Variants in SPOCK1 observed in about 807,000 individuals in gnomAD.
The protein encoded by SPOCK1 is SPARC (osteonectin), cwcv and kazal like domains proteoglycan 1.
SPOCK1 carries 23 observed loss-of-function variants against 55.3 expected under a neutral mutation model. The observed-to-expected ratio is 0.42, with a 90% CI of 0.30 to 0.59. The LOEUF (loss-of-function observed/expected upper bound fraction) is 0.59, where lower values mean the gene tolerates loss of function less well. Among genes scored for constraint, SPOCK1 ranks in the 20% least tolerant of loss-of-function variants. The pLI is 0.22. For missense variants in SPOCK1, 499 were observed against 552.5 expected (o/e 0.90, Z 0.97); for synonymous variants, 226 against 221.0 (o/e 1.02, Z -0.20).
chr5:137,393,668 A>T (rs1387753767), intron 2 of SPOCK1, among the ~76,000 whole-genome samples: 1 of 152,370 alleles, frequency 6.6e-6, no homozygotes, highest in East Asian at 1.9e-4. Context: ...ATAGGAGGTG[A>T]CACAGCTGCA....
At chr5:137,194,916 T>C (rs1442034762) in intron 3 of SPOCK1, among the ~76,000 whole-genome samples, 1 of 152,222 alleles carries the variant, frequency 6.6e-6, no homozygotes, top group African/African-American at 2.4e-5. Context: ...CAAAGGACCC[T>C]GGTCCTGTCT....
intron 3 of SPOCK1, among the ~76,000 whole-genome samples, chr5:137,264,346 A>C (rs1756805777): frequency 6.6e-6 from 1 of 152,154 alleles, no homozygotes; most frequent in Non-Finnish European, 1.5e-5. Context: ...CCAAGAAAAC[A>C]AAGTTCAAAT....
At position 136,977,662 on chromosome 5, in the gene SPOCK1, AAG is replaced by A; in HGVS notation, c.*990_*991del. The A allele has an allele frequency of 2.5e-6, 1 of 397,054 alleles. No homozygotes were observed. 24.6% of individuals were successfully genotyped at this position (397,054 alleles called of 1,614,324 possible). On this transcript the variant is annotated 3_prime_UTR_variant, in exon 11 of 11. Coordinates refer to ENST00000394945, the MANE Select transcript of SPOCK1 (RefSeq NM_004598.4). ...GCCAAGGGGCTTCAAGCAGAAATGAAAGAGATGGCTTGTGAAGCTGCCCGTGT... is the reference window on the plus strand; with the variant it reads ...GCCAAGGGGCTTCAAGCAGAAATGAAAGATGGCTTGTGAAGCTGCCCGTGT...
At chr5:137,006,680 AC>A (rs1230505239) in intron 6 of SPOCK1, among the ~76,000 whole-genome samples, 1 of 152,078 alleles carries the variant, frequency 6.6e-6, no homozygotes, top group African/African-American at 2.4e-5. Context: ...CTATTTGAAT[AC>A]CTTTTATTTC....
At chr5:137,044,023 A>T (rs978683300) in intron 6 of SPOCK1, among the ~76,000 whole-genome samples, 1 of 152,212 alleles carries the variant, frequency 6.6e-6, no homozygotes. Flanking sequence ...TATTTCTATA[A>T]ATCTAAAAAT....
At position 137,498,572 on chromosome 5, in the gene SPOCK1, C is replaced by A. The variant is rs1754359290; in HGVS notation, c.1-14G>T. 3 of 1,457,790 alleles carry A rather than the reference C, an allele frequency of 2.1e-6. No homozygotes were observed. The highest frequency in any genetic ancestry group is 1.5e-5 in the African/African-American group (1 of 68,328). The allele number at this position is 1,457,790 out of a possible 1,614,324, so 90.3% of individuals were successfully genotyped here. A position where few individuals can be genotyped will look rare whatever the true frequency, so the allele number is the denominator to read the frequency against. ...GATCGCCGGCATCTGCGGGGCAGGGCGCGCAGGGCGATGAGCGAAGAGGGC... is the reference window on the plus strand; with the variant it reads ...GATCGCCGGCATCTGCGGGGCAGGGAGCGCAGGGCGATGAGCGAAGAGGGC... On this transcript the variant is annotated splice_polypyrimidine_tract_variant and intron_variant, in intron 1 of 10. Coordinates refer to ENST00000394945, the MANE Select transcript of SPOCK1 (RefSeq NM_004598.4).
intron 2 of SPOCK1, among the ~76,000 whole-genome samples, chr5:137,452,418 C>A (rs939867466): frequency 9.9e-5 from 15 of 152,076 alleles, no homozygotes; most frequent in African/African-American, 2.9e-4. Flanking sequence ...TTACTGAATC[C>A]CAAATTATTT....
chr5:137,337,700 A>G (rs62374175), intron 2 of SPOCK1, among the ~76,000 whole-genome samples: 3 of 152,256 alleles, frequency 2.0e-5, no homozygotes, highest in Non-Finnish European at 4.4e-5. Flanking sequence ...CAGCACGTAT[A>G]CAAGTGTATA....
At chr5:137,412,076 G>A (rs369059630) in intron 2 of SPOCK1, among the ~76,000 whole-genome samples, 107 of 152,312 alleles carry the variant, frequency 7.0e-4, no homozygotes, top group Middle Eastern at 3.4e-3. Flanking sequence ...GAGTTGAGGG[G>A]AAGAGCCACC....
At chr5:137,264,036 T>G (rs888640825) in intron 3 of SPOCK1, among the ~76,000 whole-genome samples, 1 of 152,002 alleles carries the variant, frequency 6.6e-6, no homozygotes, top group African/African-American at 2.4e-5. Context: ...CTTGAATACT[T>G]TGAGTCTTCT....
chr5:137,487,691 T>C (rs955222438), intron 2 of SPOCK1, among the ~76,000 whole-genome samples: 2 of 152,210 alleles, frequency 1.3e-5, no homozygotes, highest in African/African-American at 4.8e-5. Flanking sequence ...ACAAATATGC[T>C]GAGATGATCC....
Position 137,261,018 on chromosome 5 carries a change from C to T in SPOCK1, c.232+5992G>A, listed in dbSNP as rs988795266. On this transcript the variant is annotated intron_variant, in intron 3 of 10. Transcript: ENST00000394945. ...AGAAACCAACCAGACCAAACATGAG[C>T]GAGCCAGGAGAAAAGTATTAAGATG... Among the ~76,000 whole-genome samples, 17 of 151,982 alleles carry T rather than the reference C, an allele frequency of 1.1e-4. 1 individual carries two copies. The highest frequency in any genetic ancestry group is 1.9e-4 in the East Asian group (1 of 5,192).
At chr5:137,389,583 T>C (rs867971083) in intron 2 of SPOCK1, among the ~76,000 whole-genome samples, 12 of 152,298 alleles carry the variant, frequency 7.9e-5, no homozygotes, top group African/African-American at 2.4e-4. Context: ...GTGCTGAGCT[T>C]CCACAGAGCA....
chr5:137,372,872 C>T (rs1017483932), intron 2 of SPOCK1, among the ~76,000 whole-genome samples: 2 of 152,226 alleles, frequency 1.3e-5, no homozygotes, highest in Admixed American at 6.5e-5. Flanking sequence ...TCAGTTCTTC[C>T]TCCAAGGATG....
intron 3 of SPOCK1, among the ~76,000 whole-genome samples, chr5:137,233,713 C>CTTTTTTTTTTTTTTTTT (rs56328555): frequency 8.6e-5 from 5 of 58,412 alleles, no homozygotes; most frequent in Admixed American, 2.4e-4. Context: ...AGGATATGCA[C>CTTTTTTTTTTTTTTTTT]TTTTTTTTTT....
intron 2 of SPOCK1, among the ~76,000 whole-genome samples, chr5:137,308,515 C>A (rs367922838): frequency 5.9e-5 from 9 of 152,328 alleles, no homozygotes; most frequent in African/African-American, 2.2e-4. Flanking sequence ...TGCCATGCAT[C>A]TCTTCCAGGG....
intron 5 of SPOCK1, among the ~76,000 whole-genome samples, chr5:137,095,430 T>C (rs1753129265): frequency 6.6e-6 from 1 of 152,226 alleles, no homozygotes; most frequent in East Asian, 1.9e-4. Flanking sequence ...CAAAACTGTT[T>C]GGGCTCAGCT....
chr5:137,084,521 A>C (rs1752926074), intron 5 of SPOCK1, among the ~76,000 whole-genome samples: 1 of 152,078 alleles, frequency 6.6e-6, no homozygotes, highest in East Asian at 1.9e-4. Flanking sequence ...AGGGATGGAA[A>C]TGAGGCCAAG....
chr5:137,309,066 A>G (rs1305611698), intron 2 of SPOCK1, among the ~76,000 whole-genome samples: 1 of 152,170 alleles, frequency 6.6e-6, no homozygotes, highest in East Asian at 1.9e-4. Flanking sequence ...ATTATTCTGT[A>G]ATGAGTAGGA....
Sources: allele counts gnomAD v4.1 joint callset (sites outside exome capture counted in the v4.1 genomes callset), GRCh38; gene constraint gnomAD v4.1.1; transcripts MANE v1.5; gene names NCBI Gene and HGNC (gene_info 2026-07-23, HGNC 2026-07-21).